The following TFB1M variants were observed in gnomAD, a reference collection of about 807,000 sequenced individuals.
The protein encoded by TFB1M is dimethyladenosine transferase 1, mitochondrial.
A neutral mutation model predicts 31.1 loss-of-function variants in TFB1M; 27 were observed. The ratio of observed to expected loss-of-function variants is 0.87; its 90% CI spans 0.64 to 1.20. The LOEUF is 1.20. TFB1M is among the 50% of genes most tolerant of loss of function. The pLI is 0.00. For missense variants in TFB1M, 394 were observed against 418.7 expected (o/e 0.94, Z 0.51); for synonymous variants, 166 against 151.8 (o/e 1.09, Z -0.69).
chr6:155,248,229 G>A, the TFB1M span: 15 of 1,568,776 alleles, frequency 9.6e-6, no homozygotes, highest in South Asian at 1.5e-4. Flanking sequence ...GGGCGGCGAG[G>A]GGCTGCCAGC....
intron 4 of TFB1M, 150 bp downstream of exon 4, chr6:155,296,803 T>C (rs1371674651): frequency 1.5e-5 from 11 of 731,538 alleles, no homozygotes; most frequent in Admixed American, 6.9e-5. Context: ...ATCATCAAAG[T>C]TTTAACTTTT....
intron 2 of TFB1M, among the ~76,000 whole-genome samples, chr6:155,301,191 T>A (rs1777416208): frequency 6.6e-6 from 1 of 152,186 alleles, no homozygotes; most frequent in African/African-American, 2.4e-5. Flanking sequence ...CTCCCCACAC[T>A]TTAAAAGGTA....
rs1225154599 is a variant in TFB1M at position 155,257,664 on chromosome 6, CTTATT to C, written c.*167_*171del. On this transcript the variant is annotated 3_prime_UTR_variant, in exon 7 of 7. Transcript: ENST00000367166. ...TATTAAAAGAAAGCTTGTACTGTAT[CTTATT>C]TGATGATATTTATTTTCTCTGCCAA... 8 of 696,000 alleles carry C rather than the reference CTTATT, an allele frequency of 1.1e-5. No individual in the cohort carries two copies. 43.1% of individuals were successfully genotyped at this position (696,000 alleles called of 1,614,324 possible). A position where few individuals can be genotyped will look rare whatever the true frequency, so the allele number is the denominator to read the frequency against.
chr6:155,261,151 C>G (rs1784379189), intron 5 of TFB1M, among the ~76,000 whole-genome samples: 1 of 152,102 alleles, frequency 6.6e-6, no homozygotes, highest in Admixed American at 6.5e-5. Flanking sequence ...AATTCAAATA[C>G]CAAAGGAAAA....
intron 5 of TFB1M, chr6:155,276,346 C>A: frequency 6.2e-7 from 1 of 1,613,286 alleles, no homozygotes; most frequent in Non-Finnish European, 8.5e-7. Flanking sequence ...AGCTCGAGAA[C>A]AATTCCACAC....
At chr6:155,250,153 C>T in the TFB1M span, among the ~76,000 whole-genome samples, 2 of 152,144 alleles carry the variant, frequency 1.3e-5, no homozygotes, top group Admixed American at 1.3e-4. Flanking sequence ...ATTCATTACA[C>T]TGGTTTAAAA....
At chr6:155,252,710 G>C (rs574718585), downstream of TFB1M, among the ~76,000 whole-genome samples, 2 of 152,332 alleles carry the variant, frequency 1.3e-5, no homozygotes, top group African/African-American at 2.4e-5. Flanking sequence ...TTTGGCTGCT[G>C]TTCTTGCTTT....
chr6:155,245,563 A>G, the TFB1M span: 2 of 1,409,180 alleles, frequency 1.4e-6, no homozygotes, highest in Non-Finnish European at 2.0e-6. Context: ...GTCAAATGCC[A>G]TAAGCCAGCA....
rs116268446 is a variant in TFB1M, at chr6:155,256,583, T to C, written c.*1253A>G. ...TTGCTGGACTCTGACGAGGGCAGCT[T>C]GAGCAGCGGCACCCAGAGCAGCGGC... On this transcript the variant is annotated 3_prime_UTR_variant, in exon 7 of 7. Coordinates refer to ENST00000367166, the MANE Select transcript of TFB1M (RefSeq NM_016020.4). 1 of 1,614,120 alleles carries C rather than the reference T, an allele frequency of 6.2e-7. No homozygotes were observed. The highest frequency in any genetic ancestry group is 1.7e-5 in the Admixed American group (1 of 60,028).
chr6:155,234,077 C>A, the TFB1M span, among the ~76,000 whole-genome samples: 1 of 151,458 alleles, frequency 6.6e-6, no homozygotes, highest in Non-Finnish European at 1.5e-5. Context: ...TTTATTTAAT[C>A]TTTTTATGAC....
At position 155,256,777 on chromosome 6, in the gene TFB1M, A is replaced by G. The variant is rs753044426; in HGVS notation, c.*1059T>C. On this transcript the variant is annotated 3_prime_UTR_variant, in exon 7 of 7. Coordinates refer to ENST00000367166, the MANE Select transcript of TFB1M (RefSeq NM_016020.4). ...GAAGCAGGGCAGCCCTACTAAAGAC[A>G]TCGAAATTCAGTTCCAGAGACTGAG... The G allele has an allele frequency of 6.2e-7, 1 of 1,614,220 alleles. No individual in the cohort carries two copies. Among genetic ancestry groups the G allele is most frequent in the Non-Finnish European group, 8.5e-7 (1 of 1,180,040 alleles).
In TFB1M at chr6:155,276,005, T is replaced by C. The variant is rs780081259; in HGVS notation, c.666+9153A>G. ...GTGTGTTCTGTCTGCTTTGGGGATC[T>C]GCACTTCCACAGTAGGAATGAAATG... On this transcript the variant is annotated intron_variant, in intron 5 of 6. Transcript: ENST00000367166. 9.3e-6 allele frequency: 15 copies of C among 1,614,206 alleles called. No individual in the cohort carries two copies. In the East Asian group the frequency reaches 3.3e-4, roughly 36 times the overall value.
chr6:155,314,342 T>G lies in TFB1M; in HGVS notation c.87A>C (p.Ala29=), dbSNP rs766008483. The G allele has an allele frequency of 1.2e-6, 2 of 1,614,224 alleles. No individual in the cohort carries two copies. Among genetic ancestry groups the G allele is most frequent in the Non-Finnish European group, 1.7e-6 (2 of 1,180,028 alleles). ...REIIKLLRLQ[A]AKQLSQNFLL... Reference sequence around the variant, plus strand: ...GGAAATTCTGTGATAGCTGCTTCGCTGCTTGCAGTCTTAACAACTTAATGA... The same window carrying G: ...GGAAATTCTGTGATAGCTGCTTCGCGGCTTGCAGTCTTAACAACTTAATGA... Residue 29 remains alanine, a synonymous_variant, in exon 1 of 7, where the codon GCA becomes GCC. Transcript: ENST00000367166.
chr6:155,298,053 C>T (rs1777255690), intron 3 of TFB1M, among the ~76,000 whole-genome samples: 1 of 152,246 alleles, frequency 6.6e-6, no homozygotes, highest in Non-Finnish European at 1.5e-5. Context: ...CCAATAAACA[C>T]TGTCTGTGAA....
At chr6:155,267,758 C>T (rs934263554) in intron 5 of TFB1M, among the ~76,000 whole-genome samples, 3 of 152,126 alleles carry the variant, frequency 2.0e-5, no homozygotes, top group African/African-American at 7.2e-5. Context: ...TTGGGTAAGA[C>T]AAGAATGACC....
rs548938258 is a variant in TFB1M, at chr6:155,300,198, C to T, written c.286-1613G>A. On this transcript the variant is annotated intron_variant, in intron 2 of 6. Transcript: ENST00000367166. ...CAGGCAGATTTATACAAATAATCTT[C>T]CAGAAATAAATAGCTGAAACGCCTC... Among the ~76,000 whole-genome samples, 10 of 152,228 alleles carry T rather than the reference C, an allele frequency of 6.6e-5. No homozygotes were observed. The East Asian group carries it at 9.6e-4, about 15-fold the overall frequency.
At chr6:155,258,767 G>A (rs1282783640) in intron 6 of TFB1M, among the ~76,000 whole-genome samples, 1 of 152,216 alleles carries the variant, frequency 6.6e-6, no homozygotes, top group African/African-American at 2.4e-5. Context: ...GGGCTTGGAA[G>A]GTGTCATGGC....
At chr6:155,254,407 C>T (rs773621969), downstream of TFB1M, 6 of 1,609,778 alleles carry the variant, frequency 3.7e-6, no homozygotes, top group African/African-American at 8.0e-5. Flanking sequence ...TTTTCTCTCC[C>T]CCCCCACCCA....
the TFB1M span, chr6:155,233,038 C>T: frequency 6.6e-6 from 1 of 152,116 alleles, no homozygotes; most frequent in Non-Finnish European, 1.5e-5. Flanking sequence ...ACCCAGAATC[C>T]CTAAATGAGG....
Sources: allele counts gnomAD v4.1 joint callset (sites outside exome capture counted in the v4.1 genomes callset), GRCh38; gene constraint gnomAD v4.1.1; transcripts MANE v1.5; gene names NCBI Gene and HGNC (gene_info 2026-07-23, HGNC 2026-07-21).